The following THSD7B variants were observed in gnomAD, a reference collection of about 807,000 sequenced individuals.
THSD7B encodes the protein thrombospondin type 1 domain containing 7B, also known as thrombospondin type-1 domain-containing protein 7B.
A neutral mutation model predicts 213.6 loss-of-function variants in THSD7B; 138 were observed. The ratio of observed to expected loss-of-function variants is 0.65; its 90% CI spans 0.56 to 0.74. The LOEUF (loss-of-function observed/expected upper bound fraction) is 0.74. Among genes scored for constraint, THSD7B ranks in the 30% least tolerant of loss-of-function variants. The pLI is 0.00. For missense variants in THSD7B, 1,931 were observed against 1,991.5 expected, an observed-to-expected ratio of 0.97 and a Z score of 0.58; for synonymous variants, 742 against 687.0, an observed-to-expected ratio of 1.08 and a Z score of -1.25.
At chr2:136,892,448 T>C (rs12623696) in intron 2 of THSD7B, among the ~76,000 whole-genome samples, 55,471 of 151,626 alleles carry the variant, frequency 0.37, 11,570 homozygotes, top group East Asian at 0.98. Context: ...ATTTTTAGTA[T>C]AGGAGCTATT....
chr2:137,252,181 C>T (rs553711601), intron 10 of THSD7B, among the ~76,000 whole-genome samples: 7 of 145,342 alleles, frequency 4.8e-5, no homozygotes, highest in East Asian at 2.2e-4. Flanking sequence ...TCAGGAGAAT[C>T]GCTTGAACCC....
intron 1 of THSD7B, among the ~76,000 whole-genome samples, chr2:136,840,589 A>G (rs1473860695): frequency 6.6e-6 from 1 of 152,090 alleles, no homozygotes; most frequent in Middle Eastern, 3.2e-3. Flanking sequence ...AGTTCGAAGG[A>G]TTGGCAGAAT....
chr2:137,002,760 CT>C (rs557818758), intron 2 of THSD7B, among the ~76,000 whole-genome samples: 2 of 152,048 alleles, frequency 1.3e-5, no homozygotes, highest in African/African-American at 4.8e-5. Flanking sequence ...CTGTTTTCCC[CT>C]TTTTTTGCCT....
chr2:137,582,331 A>G (rs1328038399), intron 17 of THSD7B, among the ~76,000 whole-genome samples: 2 of 152,046 alleles, frequency 1.3e-5, no homozygotes, highest in Non-Finnish European at 2.9e-5. Context: ...AATGTAGGAA[A>G]TAGTTATTTG....
chr2:137,481,910 G>A (rs1396440392), intron 15 of THSD7B, among the ~76,000 whole-genome samples: 2 of 152,180 alleles, frequency 1.3e-5, no homozygotes, highest in Non-Finnish European at 2.9e-5. Flanking sequence ...GGCCGCAGTG[G>A]CTCACACCTG....
chr2:137,484,332 C>G (rs1379995575), intron 15 of THSD7B, among the ~76,000 whole-genome samples: 1 of 146,804 alleles, frequency 6.8e-6, no homozygotes, highest in Non-Finnish European at 1.5e-5. Flanking sequence ...CATCCATGTC[C>G]CTACAAAGGA....
intron 12 of THSD7B, among the ~76,000 whole-genome samples, chr2:137,291,892 T>A (rs1683348154): frequency 1.3e-5 from 2 of 152,122 alleles, no homozygotes; most frequent in African/African-American, 2.4e-5. Context: ...TGTAGCAGAG[T>A]GGGCCAAAAA....
intron 2 of THSD7B, among the ~76,000 whole-genome samples, chr2:136,993,533 A>C (rs146006560): frequency 2.0e-5 from 3 of 152,332 alleles, no homozygotes; most frequent in Non-Finnish European, 4.4e-5. Context: ...AGCTTTGTCA[A>C]AAGTGAAAAT....
intron 15 of THSD7B, among the ~76,000 whole-genome samples, chr2:137,460,673 A>G (rs1343905721): frequency 6.6e-6 from 1 of 152,082 alleles, no homozygotes; most frequent in Non-Finnish European, 1.5e-5. Flanking sequence ...ATAACTTCCC[A>G]TGAGTGTGTA....
At chr2:137,097,994 G>A (rs1055179567) in intron 4 of THSD7B, among the ~76,000 whole-genome samples, 7 of 152,120 alleles carry the variant, frequency 4.6e-5, no homozygotes, top group African/African-American at 1.7e-4. Context: ...CTGGACTGTG[G>A]TCTCTACCAT....
intron 12 of THSD7B, among the ~76,000 whole-genome samples, chr2:137,379,412 G>C (rs1408247194): frequency 6.6e-6 from 1 of 152,136 alleles, no homozygotes; most frequent in Non-Finnish European, 1.5e-5. Flanking sequence ...AACTCATGCT[G>C]TTCCCACTCA....
rs146339578 is a variant in THSD7B at position 137,210,300 on chromosome 2, C to G, written c.1724-20744C>G. Among the ~76,000 whole-genome samples the G allele has an allele frequency of 2.0e-3, 307 of 151,928 alleles. 1 individual carries two copies. The highest frequency in any genetic ancestry group is 7.1e-3 in the African/African-American group (296 of 41,458). On this transcript the variant is annotated intron_variant, in intron 7 of 27. Transcript: ENST00000409968. ...TAAGTAGCTATTACCATGAAGTAAT[C>G]AATAGACATAAGTAGATCATGCCTA...
At chr2:137,419,236 T>A (rs1296722030) in intron 14 of THSD7B, among the ~76,000 whole-genome samples, 1 of 151,624 alleles carries the variant, frequency 6.6e-6, no homozygotes, top group Non-Finnish European at 1.5e-5. Context: ...AGGATTTTTC[T>A]TGGCCCCTTT....
chr2:137,322,021 T>G (rs1684273374), intron 12 of THSD7B, among the ~76,000 whole-genome samples: 1 of 152,234 alleles, frequency 6.6e-6, no homozygotes, highest in East Asian at 1.9e-4. Flanking sequence ...TGGCTGCCTT[T>G]GCACTGCCAT....
intron 24 of THSD7B, among the ~76,000 whole-genome samples, chr2:137,658,112 C>G (rs1173500545): frequency 6.6e-6 from 1 of 152,168 alleles, no homozygotes; most frequent in Non-Finnish European, 1.5e-5. Context: ...AGCTGAAATG[C>G]CTATAGGAAT....
intron 2 of THSD7B, among the ~76,000 whole-genome samples, chr2:137,051,361 T>C (rs1687067306): frequency 6.6e-6 from 1 of 152,236 alleles, no homozygotes; most frequent in Non-Finnish European, 1.5e-5. Context: ...CTTTTTCTCA[T>C]TGCTTGGGTT....
rs1447708383 is a variant in THSD7B at position 137,676,513 on chromosome 2, T to C, written c.4740-11T>C. 6.3e-7 allele frequency: 1 copy of C among 1,581,230 alleles called. No individual in the cohort carries two copies. The highest frequency in any genetic ancestry group is 8.6e-7 in the Non-Finnish European group (1 of 1,165,118). Reference sequence around the variant, plus strand: ...ACTTACTTGATCTGAGGAATTTTTTTCCCTTTGCAGCAAGAAGCCAAAACC... The same window carrying C: ...ACTTACTTGATCTGAGGAATTTTTTCCCCTTTGCAGCAAGAAGCCAAAACC... On this transcript the variant is annotated splice_polypyrimidine_tract_variant and intron_variant, in intron 27 of 27. Transcript: ENST00000409968.
chr2:136,825,776 T>C (rs1001868272), intron 1 of THSD7B, among the ~76,000 whole-genome samples: 1 of 147,406 alleles, frequency 6.8e-6, no homozygotes, highest in African/African-American at 2.5e-5. Flanking sequence ...GGTCTCAAAC[T>C]CCTGACCTCA....
intron 14 of THSD7B, among the ~76,000 whole-genome samples, chr2:137,441,381 T>A (rs1254412968): frequency 1.3e-5 from 2 of 152,120 alleles, no homozygotes; most frequent in Non-Finnish European, 2.9e-5. Context: ...CAAAAATTAT[T>A]GTAGAGAATA....
Sources: allele counts gnomAD v4.1 joint callset (sites outside exome capture counted in the v4.1 genomes callset), GRCh38; gene constraint gnomAD v4.1.1; transcripts MANE v1.5; gene names NCBI Gene and HGNC (gene_info 2026-07-23, HGNC 2026-07-21).